The following SLC43A2 variants were observed in gnomAD, a reference collection of about 807,000 sequenced individuals.
SLC43A2 encodes large neutral amino acids transporter small subunit 4.
SLC43A2 carries 38 observed loss-of-function variants against 63.2 expected under a neutral mutation model. That is an observed-to-expected ratio of 0.60 (90% CI 0.46 to 0.79). The LOEUF (loss-of-function observed/expected upper bound fraction) is 0.79. Among genes scored for constraint, SLC43A2 ranks in the 30% least tolerant of loss-of-function variants. SLC43A2 has a pLI of 0.00. For synonymous variants in SLC43A2, 322 were observed against 331.0 expected (o/e 0.97, Z 0.30); for missense variants, 644 against 756.2 (o/e 0.85, Z 1.74).
chr17:1,622,482 G>A (rs975524399), intron 2 of SLC43A2, among the ~76,000 whole-genome samples: 9 of 150,832 alleles, frequency 6.0e-5, no homozygotes, highest in African/African-American at 9.8e-5. Flanking sequence ...GGAGAATGGC[G>A]TGAACCCGGG....
intron 2 of SLC43A2, among the ~76,000 whole-genome samples, chr17:1,622,999 G>C (rs1908309247): frequency 6.6e-6 from 1 of 152,200 alleles, no homozygotes; most frequent in African/African-American, 2.4e-5. Flanking sequence ...CCAGCTACTT[G>C]GGAGGCTGAG....
chr17:1,589,621 A>G (rs1159242512), intron 9 of SLC43A2, among the ~76,000 whole-genome samples: 1 of 152,064 alleles, frequency 6.6e-6, no homozygotes, highest in Non-Finnish European at 1.5e-5. Context: ...TGTTCCACAG[A>G]TATTTTTTTT....
At position 1,605,442 on chromosome 17, in the gene SLC43A2, C is replaced by T. The variant is rs952197637; in HGVS notation, c.501+7753G>A. On this transcript the variant is annotated intron_variant, in intron 5 of 13. Coordinates refer to ENST00000301335, the MANE Select transcript of SLC43A2 (RefSeq NM_152346.3). The surrounding 1 kb of genome is among the most constrained non-coding windows in gnomAD (Gnocchi z 4.9). ...ATGCCGGACGTACGTGCCTTTTGGC[C>T]CAGGGCAGGCCATGGCATTGCTGGC... 5.9e-5 allele frequency among the ~76,000 whole-genome samples: 9 copies of T among 152,252 alleles called. No individual in the cohort carries two copies. The highest frequency in any genetic ancestry group is 2.2e-4 in the African/African-American group (9 of 41,548).
chr17:1,629,900 G>GC (rs986422457), upstream of SLC43A2, among the ~76,000 whole-genome samples: 9 of 152,210 alleles, frequency 5.9e-5, no homozygotes, highest in African/African-American at 1.2e-4. Context: ...CCCTCTGACT[G>GC]CCCCAGAATC....
At chr17:1,581,202 C>CCACACACACACACA (rs376885169) in intron 11 of SLC43A2, among the ~76,000 whole-genome samples, 58,806 of 148,006 alleles carry the variant, frequency 0.4, 12,002 homozygotes, top group Admixed American at 0.53. Context: ...TGCCCAGTGC[C>CCACACACACACACA]CACACACACA....
chr17:1,591,543 G>A (rs762576789), intron 7 of SLC43A2, 23 bp downstream of exon 7: 318 of 1,565,352 alleles, frequency 2.0e-4, no homozygotes, highest in Non-Finnish European at 2.5e-4. Context: ...GGGGGCAGGC[G>A]GGACGGGGGC....
In SLC43A2 at chr17:1,590,336, G is replaced by A. The variant is rs1246907499; in HGVS notation, c.1078+466C>T. ...TCTGCCCTGCCCTGTTTCTCGGTGA[G>A]GGATGCAGATCCCAGTGTGGGCCAG... On this transcript the variant is annotated intron_variant, in intron 9 of 13. Coordinates refer to ENST00000301335, the MANE Select transcript of SLC43A2 (RefSeq NM_152346.3). 3.9e-5 allele frequency among the ~76,000 whole-genome samples: 6 copies of A among 152,126 alleles called. No individual in the cohort carries two copies. In the East Asian group the frequency reaches 9.7e-4, roughly 25 times the overall value.
At position 1,593,302 on chromosome 17, in the gene SLC43A2, A is replaced by C; in HGVS notation, c.502-23T>G. The stretch of plus-strand genomic sequence containing the variant: ...CAGCTGAGAGATAAGAAGCAGAGAA[A>C]CCTCAGTGGGGAGGATGCACCAGGG... On this transcript the variant is annotated intron_variant, in intron 5 of 13. Transcript: ENST00000301335. The surrounding 1 kb of genome is among the most constrained non-coding windows in gnomAD (Gnocchi z 5.3). 6.2e-7 allele frequency: 1 copy of C among 1,607,702 alleles called. No individual in the cohort carries two copies. Among genetic ancestry groups the C allele is most frequent in the Non-Finnish European group, 8.5e-7 (1 of 1,175,814 alleles).
At chr17:1,586,827 C>G (rs2076109411) in intron 9 of SLC43A2, 2 of 1,032,782 alleles carry the variant, frequency 1.9e-6, no homozygotes, top group Non-Finnish European at 1.3e-6. Flanking sequence ...CAGTTTTACC[C>G]CCACGGCTCT....
chr17:1,612,250 C>T (rs1368447513), intron 5 of SLC43A2, among the ~76,000 whole-genome samples: 1 of 152,192 alleles, frequency 6.6e-6, no homozygotes, highest in African/African-American at 2.4e-5. Context: ...AGGTGTGAGC[C>T]ACCATGCCCA....
chr17:1,594,689 G>A (rs375272583), intron 5 of SLC43A2, among the ~76,000 whole-genome samples: 11 of 146,562 alleles, frequency 7.5e-5, no homozygotes, highest in South Asian at 4.5e-4. Context: ...CCAGGTTCAC[G>A]CCATTCTCCT....
chr17:1,605,181 C>A lies in SLC43A2; in HGVS notation c.501+8014G>T. On this transcript the variant is annotated intron_variant, in intron 5 of 13. Coordinates refer to ENST00000301335, the MANE Select transcript of SLC43A2 (RefSeq NM_152346.3). The surrounding 1 kb of genome is among the most constrained non-coding windows in gnomAD (Gnocchi z 4.9). ...GGTCAACCTGTCCTGCCAGCCCGGGCTGTTCACTCACTGCCTCCACGCAGC... is the reference window on the plus strand; with the variant it reads ...GGTCAACCTGTCCTGCCAGCCCGGGATGTTCACTCACTGCCTCCACGCAGC... The A allele has an allele frequency of 8.5e-7, 1 of 1,180,244 alleles. No individual in the cohort carries two copies. Among genetic ancestry groups the A allele is most frequent in the Non-Finnish European group, 1.1e-6 (1 of 945,288 alleles). The allele number at this position is 1,180,244 out of a possible 1,614,324, so 73.1% of individuals were successfully genotyped here. A position where few individuals can be genotyped will look rare whatever the true frequency, so the allele number is the denominator to read the frequency against.
At position 1,587,940 on chromosome 17, in the gene SLC43A2, T is replaced by C. The variant is rs569058091; in HGVS notation, c.1079-1889A>G. ...TTCAGGCCTCAATCCCCAAGCACTGTTGGCCCTGGACTGTTTTCCCCCCTT... is the reference window on the plus strand; with the variant it reads ...TTCAGGCCTCAATCCCCAAGCACTGCTGGCCCTGGACTGTTTTCCCCCCTT... On this transcript the variant is annotated intron_variant, in intron 9 of 13. Transcript: ENST00000301335. 2.0e-5 allele frequency among the ~76,000 whole-genome samples: 3 copies of C among 152,302 alleles called. No individual in the cohort carries two copies. In the South Asian group the frequency reaches 6.2e-4, roughly 32 times the overall value.
intron 5 of SLC43A2, among the ~76,000 whole-genome samples, chr17:1,602,518 C>G (rs376359324): frequency 6.6e-6 from 1 of 151,748 alleles, no homozygotes; most frequent in African/African-American, 2.4e-5. Flanking sequence ...TGGTGGCAGG[C>G]ACCTGTAATC....
rs769009243 is a variant in SLC43A2, at chr17:1,591,727, G to T, written c.595-28C>A. ...GACAGGCACCGCGGGGACGGGGTGG[G>T]GGGGGGAGGGGGCAGAGTTAGCCCG... On this transcript the variant is annotated intron_variant, in intron 6 of 13. Coordinates refer to ENST00000301335, the MANE Select transcript of SLC43A2 (RefSeq NM_152346.3). 6.9e-5 allele frequency: 67 copies of T among 968,406 alleles called. No homozygotes were observed. The African/African-American group carries it at 1.0e-3, about 15-fold the overall frequency. 60.0% of individuals were successfully genotyped at this position (968,406 alleles called of 1,614,324 possible).
chr17:1,615,842 C>CAACAAATAAATA (rs1555544172), intron 3 of SLC43A2, among the ~76,000 whole-genome samples: 1 of 118,840 alleles, frequency 8.4e-6, no homozygotes, highest in Non-Finnish European at 1.7e-5. Flanking sequence ...GACTCCATCT[C>CAACAAATAAATA]AATAAATAAA....
chr17:1,591,739 G>GGGGGC, intron 6 of SLC43A2, 40 bp from the exon 7 acceptor site: 8 of 512,310 alleles, frequency 1.6e-5, no homozygotes, highest in East Asian at 4.1e-5. Context: ...GGGGGAGGGG[G>GGGGGC]CAGAGTTAGC....
chr17:1,576,176 C>T (rs368783305), intron 13 of SLC43A2, among the ~76,000 whole-genome samples: 6 of 149,448 alleles, frequency 4.0e-5, no homozygotes, highest in South Asian at 4.2e-4. Flanking sequence ...CTCCGCCTCC[C>T]GGGTTCAAGT....
In SLC43A2 at chr17:1,606,728, G is replaced by T. The variant is rs928241683; in HGVS notation, c.501+6467C>A. Among the ~76,000 whole-genome samples, 2 of 152,222 alleles carry T rather than the reference G, an allele frequency of 1.3e-5. No individual in the cohort carries two copies. The highest frequency in any genetic ancestry group is 6.5e-5 in the Admixed American group (1 of 15,284). On this transcript the variant is annotated intron_variant, in intron 5 of 13. Coordinates refer to ENST00000301335, the MANE Select transcript of SLC43A2 (RefSeq NM_152346.3). This position sits in a 1 kb window ranked among gnomAD's most constrained non-coding sequence, Gnocchi z 4.7. Reference sequence around the variant, plus strand: ...GAGCGTGCCGTCCAGATGTCCCGGGGGAGGCTGAGGATCCACACCGTGGGG... The same window carrying T: ...GAGCGTGCCGTCCAGATGTCCCGGGTGAGGCTGAGGATCCACACCGTGGGG...
Sources: gnomAD v4.1 joint callset for allele counts (sites outside exome capture counted in the v4.1 genomes callset) on GRCh38, gnomAD v4.1.1 for gene constraint, Gnocchi (gnomAD v3.1) non-coding constraint, MANE v1.5 for transcripts, NCBI Gene and HGNC (gene_info 2026-07-23, HGNC 2026-07-21) for gene names.